Variants in CEP164 observed in about 807,000 individuals in gnomAD.
The protein encoded by CEP164 is centrosomal protein 164.
Under a neutral mutation model 182.7 loss-of-function variants are expected in CEP164, and 162 were observed. The ratio of observed to expected loss-of-function variants is 0.89; its 90% CI spans 0.78 to 1.01. The LOEUF (loss-of-function observed/expected upper bound fraction) is 1.01, where lower values mean the gene tolerates loss of function less well. Among genes scored for constraint, CEP164 ranks in the 50% least tolerant of loss-of-function variants. The pLI is 0.00. For synonymous variants in CEP164, 661 were observed against 690.0 expected (o/e 0.96, Z 0.66); for missense variants, 1,735 against 1,790.4 (o/e 0.97, Z 0.56).
Position 117,375,702 on chromosome 11 carries a change from C to T in CEP164, c.1234-6C>T. 6.2e-7 allele frequency: 1 copy of T among 1,614,034 alleles called. No individual in the cohort carries two copies. Among genetic ancestry groups the T allele is most frequent in the Non-Finnish European group, 8.5e-7 (1 of 1,179,914 alleles). On this transcript the variant is annotated splice_region_variant and splice_polypyrimidine_tract_variant and intron_variant, in intron 10 of 32. Transcript: ENST00000278935. ...GAGTTGACCTTTGCATCTCCACTGT[C>T]TCCAGGACTTCGGTTTTCGCAGCCG...
chr11:117,357,027 A>G (rs1275112027), intron 5 of CEP164, among the ~76,000 whole-genome samples: 1 of 152,228 alleles, frequency 6.6e-6, no homozygotes, highest in Non-Finnish European at 1.5e-5. Flanking sequence ...GGAAATAGGC[A>G]GCCTACCCCA....
chr11:117,323,437 T>TA (rs2035325260), upstream of CEP164, among the ~76,000 whole-genome samples: 1 of 152,166 alleles, frequency 6.6e-6, no homozygotes, highest in African/African-American at 2.4e-5. Flanking sequence ...CATTTTTTTT[T>TA]ATGGCTGAAT....
intron 11 of CEP164, among the ~76,000 whole-genome samples, chr11:117,376,591 G>A (rs1319134392): frequency 6.6e-6 from 1 of 152,170 alleles, no homozygotes; most frequent in Non-Finnish European, 1.5e-5. Flanking sequence ...TGTTTAATAC[G>A]AACCCAGCCT....
At chr11:117,340,377 A>T (rs2037920317) in intron 3 of CEP164, among the ~76,000 whole-genome samples, 3 of 152,238 alleles carry the variant, frequency 2.0e-5, no homozygotes, top group Non-Finnish European at 4.4e-5. Context: ...AGTTTCTTTG[A>T]AATTCTGACG....
rs758720031 is a variant in CEP164, at chr11:117,373,816, G to A, written c.1218G>A (p.Lys406=). The change falls in exon 10 of 33, where the codon AAG becomes AAA. Residue 406 remains lysine, a synonymous_variant. Transcript: ENST00000278935. ...CAGACTCCATAGCTTCTGACCCCAA[G>A]TCCTTCCATGGCCTGGTGAGTTTGA... is the stretch of plus-strand genomic sequence containing the variant. ...QLSDSIASDP[K]SFHGLDFGFR... The A allele has an allele frequency of 6.2e-7, 1 of 1,614,118 alleles. No homozygotes were observed. Among genetic ancestry groups the A allele is most frequent in the Admixed American group, 1.7e-5 (1 of 60,008 alleles).
chr11:117,399,156 C>T (rs1409178500), intron 27 of CEP164, among the ~76,000 whole-genome samples: 1 of 152,054 alleles, frequency 6.6e-6, no homozygotes. Flanking sequence ...CTGACAGGCC[C>T]CGGTGTGTGA....
intron 8 of CEP164, among the ~76,000 whole-genome samples, chr11:117,370,325 T>G (rs1412020127): frequency 6.6e-6 from 1 of 152,170 alleles, no homozygotes; most frequent in Non-Finnish European, 1.5e-5. Flanking sequence ...CTGTTGCCTA[T>G]TAAACATGAA....
Position 117,411,033 on chromosome 11 carries a change from A to G in CEP164, c.4163+139A>G. On this transcript the variant is annotated intron_variant, in intron 31 of 32. Coordinates refer to ENST00000278935, the MANE Select transcript of CEP164 (RefSeq NM_014956.5). This position sits in a 1 kb window ranked among gnomAD's most constrained non-coding sequence, Gnocchi z 4.4. Reference sequence around the variant, plus strand: ...AATCAGGCAGGCCTCTAGTCCACAGAGCTGTCCCCGCTTGCCTGGGTCTGA... The same window carrying G: ...AATCAGGCAGGCCTCTAGTCCACAGGGCTGTCCCCGCTTGCCTGGGTCTGA... 1 of 749,188 alleles carries G rather than the reference A, an allele frequency of 1.3e-6. No homozygotes were observed. The highest frequency in any genetic ancestry group is 2.2e-6 in the Non-Finnish European group (1 of 448,802). 46.4% of individuals were successfully genotyped at this position (749,188 alleles called of 1,614,324 possible). A position where few individuals can be genotyped will look rare whatever the true frequency, so the allele number is the denominator to read the frequency against.
At chr11:117,359,557 A>G (rs747310370) in intron 5 of CEP164, 291 of 985,312 alleles carry the variant, frequency 3.0e-4, no homozygotes, top group Non-Finnish European at 3.3e-4. Context: ...GGCTGAGGCT[A>G]CAGGTGAGAA....
intron 1 of CEP164, among the ~76,000 whole-genome samples, chr11:117,331,730 G>A (rs1449930754): frequency 6.7e-6 from 1 of 150,262 alleles, no homozygotes; most frequent in Non-Finnish European, 1.5e-5. Context: ...GGTCTTCCTA[G>A]CTTCTGAGAT....
intron 11 of CEP164, among the ~76,000 whole-genome samples, chr11:117,378,937 C>T (rs2043027178): frequency 6.6e-6 from 1 of 152,106 alleles, no homozygotes; most frequent in African/African-American, 2.4e-5. Flanking sequence ...GGCTCAGTCC[C>T]CCTATTTTTA....
intron 1 of CEP164, among the ~76,000 whole-genome samples, chr11:117,331,569 A>G (rs1346719774): frequency 6.6e-6 from 1 of 152,082 alleles, no homozygotes; most frequent in Admixed American, 6.6e-5. Context: ...CACCTTGCCT[A>G]AGGTCATACA....
chr11:117,403,122 A>G (rs946564665), intron 27 of CEP164, among the ~76,000 whole-genome samples: 1 of 152,190 alleles, frequency 6.6e-6, no homozygotes, highest in African/African-American at 2.4e-5. Flanking sequence ...CTGTTTATGC[A>G]GTTTGCCAGT....
At chr11:117,400,001 T>C (rs1473768504) in intron 27 of CEP164, among the ~76,000 whole-genome samples, 3 of 152,242 alleles carry the variant, frequency 2.0e-5, no homozygotes, top group African/African-American at 7.2e-5. Flanking sequence ...TTAGATCTCA[T>C]TTGTCAATTT....
chr11:117,343,357 G>A (rs2038394589), intron 3 of CEP164, among the ~76,000 whole-genome samples: 1 of 152,190 alleles, frequency 6.6e-6, no homozygotes, highest in Non-Finnish European at 1.5e-5. Context: ...ATAGCATACA[G>A]GACATGTCTT....
At chr11:117,337,682 C>T (rs1044517277) in intron 2 of CEP164, among the ~76,000 whole-genome samples, 22 of 152,096 alleles carry the variant, frequency 1.4e-4, no homozygotes, top group Admixed American at 2.6e-4. Flanking sequence ...ATCATCTCGC[C>T]CCTGGGCAGC....
chr11:117,400,950 C>T (rs530947864), intron 27 of CEP164, among the ~76,000 whole-genome samples: 39 of 152,278 alleles, frequency 2.6e-4, no homozygotes, highest in Non-Finnish European at 4.6e-4. Flanking sequence ...CATTTGACTT[C>T]CTCTCTTCCT....
At chr11:117,334,474 T>C (rs1397285617) in intron 1 of CEP164, among the ~76,000 whole-genome samples, 1 of 152,120 alleles carries the variant, frequency 6.6e-6, no homozygotes, top group Admixed American at 6.5e-5. Context: ...TTTCCCAGAG[T>C]TTTCCTGATC....
intron 5 of CEP164, chr11:117,355,706 G>A: frequency 8.4e-7 from 1 of 1,187,550 alleles, no homozygotes; most frequent in Non-Finnish European, 1.1e-6. Flanking sequence ...GAGGAGGAGA[G>A]AACCTCCTGG....
Sources: gnomAD v4.1 joint callset for allele counts (sites outside exome capture counted in the v4.1 genomes callset) on GRCh38, gnomAD v4.1.1 for gene constraint, Gnocchi (gnomAD v3.1) non-coding constraint, MANE v1.5 for transcripts, NCBI Gene and HGNC (gene_info 2026-07-23, HGNC 2026-07-21) for gene names.